DMD: variants seen among roughly 807,000 people sequenced by gnomAD.
DMD encodes the protein dystrophin, also known as mutant dystrophin.
In DMD, 63 loss-of-function variants were observed where a neutral mutation model predicts 330.1. The observed-to-expected ratio is 0.19, with a 90% confidence interval of 0.16 to 0.24. The LOEUF is 0.24. Among genes scored for constraint, DMD ranks in the 10% least tolerant of loss-of-function variants. DMD has a pLI of 1.00. For synonymous variants in DMD, 1,223 were observed against 959.8 expected (o/e 1.27, Z -5.07); for missense variants, 3,344 against 2,684.1 (o/e 1.25, Z -5.43).
At chrX:32,308,091 GTA>G (rs772193713) in intron 42 of DMD, among the ~76,000 whole-genome samples, 1 of 109,239 alleles carries the variant, frequency 9.2e-6, no homozygotes, top group African/African-American at 3.3e-5. Context: ...ATATATATAC[GTA>G]TATATATATG....
At chrX:32,335,917 ATGTATGTTATATATAACGTGTATACG>A (rs2097709724) in intron 41 of DMD, among the ~76,000 whole-genome samples, 4 of 105,562 alleles carry the variant, frequency 3.8e-5, no homozygotes, top group African/African-American at 6.9e-5. Context: ...ACGTGTATAT[ATGTATGTTATATATAACGTGTATACG>A]TGTATGTTAT....
At chrX:32,844,920 A>T in intron 3 of DMD, 60 bp from the exon 4 acceptor site, 1 of 936,251 alleles carries the variant, frequency 1.1e-6, no homozygotes, top group Middle Eastern at 2.6e-4. Context: ...TCTACTAGAA[A>T]TGAAACCATT....
chrX:32,812,584 G>A (rs770540077), intron 6 of DMD, among the ~76,000 whole-genome samples: 2 of 112,381 alleles, frequency 1.8e-5, no homozygotes, highest in Non-Finnish European at 3.8e-5. Context: ...AGTGAGCCAA[G>A]GTTGGCCCAC....
At chrX:32,220,858 G>GT (rs201049908) in intron 43 of DMD, among the ~76,000 whole-genome samples, 6,552 of 110,326 alleles carry the variant, frequency 0.059, 176 homozygotes, top group Non-Finnish European at 0.069. Context: ...AGGAAAAAAA[G>GT]TTTTTTTTCT....
intron 48 of DMD, among the ~76,000 whole-genome samples, chrX:31,869,498 C>T (rs1468968852): frequency 1.9e-5 from 2 of 104,026 alleles, no homozygotes; most frequent in Non-Finnish European, 3.9e-5. Context: ...AGTTTATTTC[C>T]TTTACAATCT....
intron 52 of DMD, among the ~76,000 whole-genome samples, chrX:31,680,676 C>A (rs912090003): frequency 7.2e-5 from 8 of 111,030 alleles, no homozygotes; most frequent in Non-Finnish European, 1.5e-4. Context: ...CCGCGCCTGG[C>A]CAACTTCTTT....
chrX:32,747,667 G>C (rs1258083796), intron 7 of DMD, among the ~76,000 whole-genome samples: 1 of 110,034 alleles, frequency 9.1e-6, no homozygotes, highest in East Asian at 2.9e-4. Flanking sequence ...TTTTTTTTAA[G>C]TATTTTTTGC....
rs895999404 is a variant in DMD at position 32,947,507 on chromosome X, G to A, written c.93+72632C>T. Among the ~76,000 whole-genome samples the A allele has an allele frequency of 2.7e-4, 30 of 111,333 alleles. 1 individual carries two copies. The highest frequency in any genetic ancestry group is 4.5e-4 in the Non-Finnish European group (24 of 53,057). The stretch of plus-strand genomic sequence containing the variant: ...TTAAAAATGAAAATAGTTTGTACAC[G>A]AGTTGCCAAAGAATGGTCTAATTCA... On this transcript the variant is annotated intron_variant, in intron 2 of 78. Coordinates refer to ENST00000357033, the MANE Select transcript of DMD (RefSeq NM_004006.3).
At chrX:33,200,837 A>G (rs976835126) in intron 1 of DMD, among the ~76,000 whole-genome samples, 4 of 108,208 alleles carry the variant, frequency 3.7e-5, no homozygotes, top group Middle Eastern at 0.01. Context: ...GTTAAAATTT[A>G]TATTATCCTG....
chrX:32,820,177 C>T (rs919148721), intron 5 of DMD, among the ~76,000 whole-genome samples: 1 of 112,611 alleles, frequency 8.9e-6, no homozygotes, highest in African/African-American at 3.2e-5. Context: ...CGGTGGCTCA[C>T]GCCTGTAATC....
chrX:31,956,623 A>G (rs1246685750), intron 45 of DMD, among the ~76,000 whole-genome samples: 2 of 112,345 alleles, frequency 1.8e-5, no homozygotes, highest in Non-Finnish European at 3.8e-5. Context: ...TAATAGGACT[A>G]AGATATGTCC....
At chrX:33,191,277 T>A (rs759170764) in intron 1 of DMD, among the ~76,000 whole-genome samples, 1 of 107,675 alleles carries the variant, frequency 9.3e-6, no homozygotes, top group African/African-American at 3.4e-5. Context: ...TGCCTGTATG[T>A]TCTGATTTCA....
At chrX:32,085,617 C>T (rs781002263) in intron 44 of DMD, among the ~76,000 whole-genome samples, 13 of 85,281 alleles carry the variant, frequency 1.5e-4, no homozygotes, top group South Asian at 1.0e-3. Flanking sequence ...TATATATATA[C>T]GTATATATAT....
At chrX:32,464,753 A>G in intron 23 of DMD, 54 bp from the exon 24 acceptor site, 1 of 852,969 alleles carries the variant, frequency 1.2e-6, no homozygotes, top group South Asian at 2.0e-5. Context: ...CTTTTAACAC[A>G]ATTCATCATT....
At chrX:33,146,909 G>A (rs1444241162) in intron 1 of DMD, among the ~76,000 whole-genome samples, 1 of 109,912 alleles carries the variant, frequency 9.1e-6, no homozygotes, top group Admixed American at 9.8e-5. Flanking sequence ...TGCAACCTCC[G>A]CCTCCCAGGT....
At chrX:32,568,531 G>T (rs1249552065) in intron 15 of DMD, among the ~76,000 whole-genome samples, 1 of 109,067 alleles carries the variant, frequency 9.2e-6, no homozygotes, top group Non-Finnish European at 1.9e-5. Flanking sequence ...AATCCAATTA[G>T]GAAAAAAGTG....
intron 52 of DMD, among the ~76,000 whole-genome samples, chrX:31,710,738 C>G (rs946409805): frequency 3.4e-4 from 38 of 111,166 alleles, no homozygotes; most frequent in African/African-American, 1.2e-3. Flanking sequence ...AATCAGTCTC[C>G]CAGAGCCTGA....
intron 60 of DMD, among the ~76,000 whole-genome samples, chrX:31,442,415 T>C (rs1393624590): frequency 1.8e-5 from 2 of 111,698 alleles, no homozygotes; most frequent in East Asian, 5.6e-4. Context: ...TCTCCTTACA[T>C]GTGTTTTCCT....
chrX:33,060,146 GA>G (rs2094564966), intron 1 of DMD, among the ~76,000 whole-genome samples: 2 of 111,316 alleles, frequency 1.8e-5, no homozygotes, highest in African/African-American at 6.5e-5. Flanking sequence ...GTAGGGGAGA[GA>G]GATTGAGCTC....
Sources: gnomAD v4.1 joint callset for allele counts (sites outside exome capture counted in the v4.1 genomes callset) on GRCh38, gnomAD v4.1.1 for gene constraint, MANE v1.5 for transcripts, NCBI Gene and HGNC (gene_info 2026-07-23, HGNC 2026-07-21) for gene names.